Variants in GALNT13 observed in about 807,000 individuals in gnomAD.
GALNT13 encodes UDP-GalNAc:polypeptide N-acetylgalactosaminyltransferase 13.
GALNT13 carries 28 observed loss-of-function variants against 64.2 expected under a neutral mutation model. That is an observed-to-expected ratio of 0.44 (90% confidence interval 0.32 to 0.60). The LOEUF (loss-of-function observed/expected upper bound fraction) is 0.60, where lower values mean the gene tolerates loss of function less well. GALNT13 is among the 20% of genes least tolerant of loss of function. The pLI, the probability that GALNT13 is intolerant of heterozygous loss-of-function variation, is 0.05. For missense variants in GALNT13, 577 were observed against 669.8 expected (o/e 0.86, Z 1.53); for synonymous variants, 214 against 224.6 (o/e 0.95, Z 0.42).
chr2:153,220,574 G>A, the GALNT13 span, among the ~76,000 whole-genome samples: 1 of 152,198 alleles, frequency 6.6e-6, no homozygotes, highest in African/African-American at 2.4e-5. Flanking sequence ...GGAAAGGGGT[G>A]CAAGATGCTG....
At chr2:153,947,289 T>C (rs1001123905) in intron 3 of GALNT13, among the ~76,000 whole-genome samples, 1 of 151,968 alleles carries the variant, frequency 6.6e-6, no homozygotes, top group Non-Finnish European at 1.5e-5. Context: ...AAGTCAAATA[T>C]ATAGTAAACA....
chr2:153,913,611 C>T (rs955646250), intron 2 of GALNT13, among the ~76,000 whole-genome samples: 1 of 152,110 alleles, frequency 6.6e-6, no homozygotes. Flanking sequence ...ACTGAAGGGT[C>T]CATGGTGGTA....
chr2:153,913,155 G>C (rs1444680110), intron 2 of GALNT13, among the ~76,000 whole-genome samples: 3 of 152,160 alleles, frequency 2.0e-5, no homozygotes, highest in African/African-American at 7.2e-5. Flanking sequence ...CTAGGTTGTG[G>C]GCAAGCTGTC....
chr2:154,444,989 G>C (rs1420444605), intron 12 of GALNT13, among the ~76,000 whole-genome samples: 1 of 151,732 alleles, frequency 6.6e-6, no homozygotes, highest in Non-Finnish European at 1.5e-5. Flanking sequence ...AAAATTATTA[G>C]AACATACATA....
intron 4 of GALNT13, among the ~76,000 whole-genome samples, chr2:154,145,880 T>C (rs376029796): frequency 6.6e-6 from 1 of 152,004 alleles, no homozygotes; most frequent in Non-Finnish European, 1.5e-5. Flanking sequence ...GTAGCATTGA[T>C]TGCACAAAGG....
chr2:153,435,409 T>A, the GALNT13 span, among the ~76,000 whole-genome samples: 1 of 152,140 alleles, frequency 6.6e-6, no homozygotes, highest in Non-Finnish European at 1.5e-5. Context: ...AATCTATAAA[T>A]TACCTTGGGC....
chr2:153,217,036 A>G, the GALNT13 span, among the ~76,000 whole-genome samples: 6 of 152,094 alleles, frequency 3.9e-5, no homozygotes, highest in Admixed American at 3.3e-4. Flanking sequence ...TGAATAGCCA[A>G]TTGTTTCAGC....
chr2:153,654,876 CTG>C, the GALNT13 span, among the ~76,000 whole-genome samples: 1 of 152,038 alleles, frequency 6.6e-6, no homozygotes, highest in Non-Finnish European at 1.5e-5. Flanking sequence ...AAGAATAACT[CTG>C]TATCTATGTG....
At chr2:153,551,262 A>G in the GALNT13 span, among the ~76,000 whole-genome samples, 2 of 152,192 alleles carry the variant, frequency 1.3e-5, no homozygotes, top group African/African-American at 4.8e-5. Flanking sequence ...CCACACTCCT[A>G]CGTTTGGGCA....
At chr2:154,073,761 G>A (rs1358891468) in intron 3 of GALNT13, among the ~76,000 whole-genome samples, 1 of 151,816 alleles carries the variant, frequency 6.6e-6, no homozygotes, top group African/African-American at 2.4e-5. Flanking sequence ...ATTACTTGCT[G>A]AGTTTTGATG....
At chr2:153,656,340 G>GTGTGCA in the GALNT13 span, among the ~76,000 whole-genome samples, 46 of 109,444 alleles carry the variant, frequency 4.2e-4, no homozygotes, top group Non-Finnish European at 8.4e-4. Flanking sequence ...GTGTGTGTGT[G>GTGTGCA]CGCGCGCACA....
the GALNT13 span, among the ~76,000 whole-genome samples, chr2:153,673,646 C>T: frequency 2.6e-5 from 4 of 152,140 alleles, no homozygotes; most frequent in African/African-American, 7.2e-5. Flanking sequence ...AAAACCAACA[C>T]AAGACAAGGA....
chr2:153,655,770 A>G, the GALNT13 span, among the ~76,000 whole-genome samples: 1 of 152,094 alleles, frequency 6.6e-6, no homozygotes. Context: ...ATAAGAAAAA[A>G]TCTCACTATT....
the GALNT13 span, among the ~76,000 whole-genome samples, chr2:153,249,328 A>G: frequency 6.6e-6 from 1 of 152,236 alleles, no homozygotes; most frequent in Non-Finnish European, 1.5e-5. Context: ...AGGGATGTGA[A>G]GGACCTCTTC....
At chr2:153,981,842 C>T (rs140554690) in intron 3 of GALNT13, among the ~76,000 whole-genome samples, 136 of 152,174 alleles carry the variant, frequency 8.9e-4, no homozygotes, top group Non-Finnish European at 1.6e-3. Flanking sequence ...CAACAGTCCT[C>T]TCTCAGACAT....
intron 9 of GALNT13, among the ~76,000 whole-genome samples, chr2:154,366,117 A>T (rs2105297876): frequency 6.6e-6 from 1 of 152,206 alleles, no homozygotes; most frequent in Non-Finnish European, 1.5e-5. Context: ...TTTAACAATG[A>T]TTTATACCAA....
At chr2:154,150,034 TG>T (rs1440365608) in intron 4 of GALNT13, among the ~76,000 whole-genome samples, 1 of 152,198 alleles carries the variant, frequency 6.6e-6, no homozygotes, top group African/African-American at 2.4e-5. Context: ...TTCCAGTTTT[TG>T]CCCATTCAGT....
intron 4 of GALNT13, among the ~76,000 whole-genome samples, chr2:154,171,356 C>T (rs1685335762): frequency 6.6e-6 from 1 of 152,110 alleles, no homozygotes; most frequent in African/African-American, 2.4e-5. Context: ...GAAACATTTC[C>T]TCATGGCTTG....
the GALNT13 span, among the ~76,000 whole-genome samples, chr2:153,757,369 A>G: frequency 6.6e-6 from 1 of 152,192 alleles, no homozygotes; most frequent in Non-Finnish European, 1.5e-5. Flanking sequence ...TAAAGGCTGA[A>G]TAGAATTTCA....
Sources: allele counts gnomAD v4.1 joint callset (sites outside exome capture counted in the v4.1 genomes callset), GRCh38; gene constraint gnomAD v4.1.1; transcripts MANE v1.5; gene names NCBI Gene and HGNC (gene_info 2026-07-23, HGNC 2026-07-21).